Variants in INVS observed in about 807,000 individuals in gnomAD.
The protein encoded by INVS is inversin, also known as inversion of embryo turning homolog.
INVS carries 86 observed loss-of-function variants against 108.8 expected under a neutral mutation model. That is an observed-to-expected ratio of 0.79 (90% CI 0.66 to 0.95). The LOEUF is 0.95. Ranked by LOEUF, INVS falls within the 40% of genes least tolerant of loss-of-function variation. The pLI is 0.00. For missense variants in INVS, 1,169 were observed against 1,297.4 expected, an observed-to-expected ratio of 0.90 and a Z score of 1.52; for synonymous variants, 455 against 473.5, an observed-to-expected ratio of 0.96 and a Z score of 0.51.
intron 3 of INVS, among the ~76,000 whole-genome samples, chr9:100,179,515 T>G (rs10988999): frequency 0.19 from 29,269 of 150,128 alleles, 4,504 homozygotes; most frequent in African/African-American, 0.43. Context: ...AAAACAGACT[T>G]TAAACCAACA....
At chr9:100,104,422 A>C (rs1219787082) in intron 1 of INVS, 76 bp from the exon 2 acceptor site, 2 of 783,700 alleles carry the variant, frequency 2.6e-6, no homozygotes, top group Non-Finnish European at 4.4e-6. Context: ...TATTTATAAA[A>C]TACCCACTTG....
At chr9:100,252,662 T>C (rs1435537841) in intron 9 of INVS, among the ~76,000 whole-genome samples, 1 of 152,228 alleles carries the variant, frequency 6.6e-6, no homozygotes, top group Non-Finnish European at 1.5e-5. Context: ...TCTTCACTTT[T>C]ATTTTATATA....
At chr9:100,239,782 A>G (rs1831807003) in intron 5 of INVS, among the ~76,000 whole-genome samples, 1 of 152,022 alleles carries the variant, frequency 6.6e-6, no homozygotes, top group African/African-American at 2.4e-5. Context: ...GACCAGCCTG[A>G]GAAACATGGC....
intron 3 of INVS, among the ~76,000 whole-genome samples, chr9:100,182,422 AC>A (rs1829918153): frequency 1.3e-5 from 2 of 152,208 alleles, no homozygotes; most frequent in Non-Finnish European, 2.9e-5. Context: ...CAAGAAAAAA[AC>A]AACCCCATCA....
intron 5 of INVS, 25 bp downstream of exon 5, chr9:100,229,852 C>A (rs756686535): frequency 1.2e-6 from 2 of 1,611,756 alleles, no homozygotes; most frequent in South Asian, 1.1e-5. Flanking sequence ...ACTGCTAGAC[C>A]TGAATGGCCT....
At chr9:100,130,792 T>A (rs1828033888) in intron 3 of INVS, 1 of 152,190 alleles carries the variant, frequency 6.6e-6, no homozygotes, top group Non-Finnish European at 1.5e-5. Context: ...AGGCATCATG[T>A]TAGGCCTTGG....
intron 16 of INVS, among the ~76,000 whole-genome samples, chr9:100,299,635 G>GACACACACACAC (rs10530240): frequency 1.1e-4 from 15 of 132,262 alleles, no homozygotes; most frequent in South Asian, 4.9e-4. Context: ...GCCTTTTATT[G>GACACACACACAC]ACACACACAC....
intron 3 of INVS, among the ~76,000 whole-genome samples, chr9:100,210,699 T>C (rs1248681690): frequency 2.0e-5 from 3 of 152,312 alleles, no homozygotes; most frequent in East Asian, 3.9e-4. Flanking sequence ...AGCGTACATC[T>C]GTATAAAGCT....
intron 3 of INVS, among the ~76,000 whole-genome samples, chr9:100,210,046 A>G (rs894603102): frequency 6.6e-6 from 1 of 152,092 alleles, no homozygotes; most frequent in South Asian, 2.1e-4. Flanking sequence ...TACTTTCAAC[A>G]TGCAGCTCAG....
chr9:100,124,279 A>G (rs2118888232), intron 2 of INVS, among the ~76,000 whole-genome samples: 1 of 151,368 alleles, frequency 6.6e-6, no homozygotes, highest in East Asian at 1.9e-4. Context: ...TTCCACTTTG[A>G]GTACAACATA....
chr9:100,145,177 G>A (rs973991642), intron 3 of INVS, among the ~76,000 whole-genome samples: 1 of 151,818 alleles, frequency 6.6e-6, no homozygotes, highest in African/African-American at 2.4e-5. Flanking sequence ...AGGGTGGAAG[G>A]TTGCCCATAG....
intron 5 of INVS, among the ~76,000 whole-genome samples, chr9:100,231,245 C>G (rs1831503402): frequency 2.0e-5 from 3 of 152,066 alleles, no homozygotes; most frequent in Admixed American, 2.0e-4. Context: ...TTTTTTACAA[C>G]CTCTGATACT....
chr9:100,181,237 C>G (rs975476224), intron 3 of INVS, among the ~76,000 whole-genome samples: 1 of 152,004 alleles, frequency 6.6e-6, no homozygotes, highest in African/African-American at 2.4e-5. Context: ...GATGCCCTCT[C>G]TCACCACTCC....
intron 3 of INVS, chr9:100,130,759 A>G (rs1828032918): frequency 6.6e-6 from 1 of 152,168 alleles, no homozygotes; most frequent in African/African-American, 2.4e-5. Context: ...TTCATTCAAC[A>G]TGTGTTAAAA....
chr9:100,259,688 C>T (rs1832548815), intron 10 of INVS, among the ~76,000 whole-genome samples: 1 of 151,266 alleles, frequency 6.6e-6, no homozygotes, highest in African/African-American at 2.4e-5. Flanking sequence ...TACTTGGCCT[C>T]TCAGGCATCC....
At chr9:100,126,982 A>G (rs150299910) in intron 3 of INVS, among the ~76,000 whole-genome samples, 65 of 152,226 alleles carry the variant, frequency 4.3e-4, no homozygotes, top group Middle Eastern at 3.4e-3. Context: ...TACTTTTACT[A>G]TAAAAAGTTG....
At chr9:100,134,604 C>T (rs1828165529) in intron 3 of INVS, among the ~76,000 whole-genome samples, 1 of 152,048 alleles carries the variant, frequency 6.6e-6, no homozygotes, top group African/African-American at 2.4e-5. Context: ...ATGCCAACAT[C>T]TACTGTTTTT....
At chr9:100,299,142 T>C (rs1204604151) in intron 16 of INVS, among the ~76,000 whole-genome samples, 1 of 152,210 alleles carries the variant, frequency 6.6e-6, no homozygotes, top group Non-Finnish European at 1.5e-5. Context: ...AAATCAATAC[T>C]TAATGATTTC....
At chr9:100,263,297 T>C (rs149188770) in intron 10 of INVS, among the ~76,000 whole-genome samples, 119 of 152,336 alleles carry the variant, frequency 7.8e-4, no homozygotes, top group African/African-American at 2.6e-3. Context: ...AGATTTATTA[T>C]CTTACCATTC....
Sources: allele counts gnomAD v4.1 joint callset (sites outside exome capture counted in the v4.1 genomes callset), GRCh38; gene constraint gnomAD v4.1.1; transcripts MANE v1.5; gene names NCBI Gene and HGNC (gene_info 2026-07-23, HGNC 2026-07-21).